Variants in PDE4D observed in about 807,000 individuals in gnomAD.
PDE4D encodes the protein 3',5'-cyclic-AMP phosphodiesterase 4D.
A neutral mutation model predicts 87.4 loss-of-function variants in PDE4D; 24 were observed. The observed-to-expected ratio is 0.27, with a 90% CI of 0.20 to 0.39. The LOEUF (loss-of-function observed/expected upper bound fraction) is 0.39, where lower values mean the gene tolerates loss of function less well. Ranked by LOEUF, PDE4D falls within the 10% of genes least tolerant of loss-of-function variation. PDE4D has a pLI of 1.00. For synonymous variants in PDE4D, 384 were observed against 383.2 expected (o/e 1.00, Z -0.02); for missense variants, 714 against 1,041.0 (o/e 0.69, Z 4.32).
chr5:59,692,373 G>T lies in PDE4D; in HGVS notation c.455+200795C>A, dbSNP rs752911391. Among the ~76,000 whole-genome samples the T allele has an allele frequency of 2.6e-5, 4 of 152,234 alleles. 1 individual carries two copies. In the South Asian group the frequency reaches 8.3e-4, roughly 32 times the overall value. ...AGCAAAGCAGAATTCCAAGGGGATTGGGTGAAAGAAGAACTCTTAAGTTAT... is the reference window on the plus strand; with the variant it reads ...AGCAAAGCAGAATTCCAAGGGGATTTGGTGAAAGAAGAACTCTTAAGTTAT... On this transcript the variant is annotated intron_variant, in intron 1 of 14. Coordinates refer to ENST00000340635, the MANE Select transcript of PDE4D (RefSeq NM_001104631.2).
At chr5:59,877,225 G>A (rs534102552) in intron 1 of PDE4D, among the ~76,000 whole-genome samples, 4 of 152,146 alleles carry the variant, frequency 2.6e-5, no homozygotes, top group East Asian at 1.9e-4. Context: ...CTGCATGTTC[G>A]TTTGGTTGTT....
chr5:59,043,271 C>T (rs1759997341), intron 5 of PDE4D, among the ~76,000 whole-genome samples: 1 of 152,176 alleles, frequency 6.6e-6, no homozygotes, highest in Non-Finnish European at 1.5e-5. Flanking sequence ...CGCCTGTAAT[C>T]CCAGCACTTT....
At chr5:59,016,390 C>CTTTTTTTTTTT (rs35622981) in intron 6 of PDE4D, among the ~76,000 whole-genome samples, 3 of 78,594 alleles carry the variant, frequency 3.8e-5, no homozygotes, top group Non-Finnish European at 4.8e-5. Context: ...TCAGTCTGTT[C>CTTTTTTTTTTT]TTTTTTTTTT....
chr5:59,770,700 T>G (rs541549951), intron 1 of PDE4D, among the ~76,000 whole-genome samples: 3 of 152,058 alleles, frequency 2.0e-5, no homozygotes, highest in African/African-American at 7.2e-5. Context: ...TGAGAAAAAC[T>G]AATATGTATT....
chr5:59,255,614 C>T (rs1760827112), intron 1 of PDE4D, among the ~76,000 whole-genome samples: 2 of 152,050 alleles, frequency 1.3e-5, no homozygotes, highest in Non-Finnish European at 1.5e-5. Context: ...CAACAAAGGT[C>T]TTCCAGAACA....
At chr5:59,992,498 G>C (rs1219198456) in intron 2 of PDE4D, among the ~76,000 whole-genome samples, 1 of 152,098 alleles carries the variant, frequency 6.6e-6, no homozygotes, top group Non-Finnish European at 1.5e-5. Context: ...CTCTTCTTCT[G>C]GATGAACATA....
intron 1 of PDE4D, among the ~76,000 whole-genome samples, chr5:60,338,152 G>A (rs1462399090): frequency 6.6e-6 from 1 of 152,104 alleles, no homozygotes; most frequent in Non-Finnish European, 1.5e-5. Flanking sequence ...CAGCACAAAC[G>A]ATGAAAGCCG....
At chr5:59,009,408 T>C (rs182590605) in intron 6 of PDE4D, among the ~76,000 whole-genome samples, 1 of 151,992 alleles carries the variant, frequency 6.6e-6, no homozygotes, top group Admixed American at 6.6e-5. Flanking sequence ...AGCAATAAAA[T>C]GAAACAAATT....
intron 1 of PDE4D, among the ~76,000 whole-genome samples, chr5:60,350,904 T>C (rs1401745728): frequency 1.3e-5 from 2 of 152,128 alleles, no homozygotes; most frequent in Non-Finnish European, 2.9e-5. Context: ...TCAGCTGCTA[T>C]AGGCATTTAT....
At chr5:59,746,302 A>C (rs1315814186) in intron 1 of PDE4D, among the ~76,000 whole-genome samples, 1 of 152,134 alleles carries the variant, frequency 6.6e-6, no homozygotes, top group Non-Finnish European at 1.5e-5. Flanking sequence ...CACACGGCCA[A>C]GATGTGAGAA....
At chr5:60,473,824 T>A (rs1323474128) in intron 1 of PDE4D, among the ~76,000 whole-genome samples, 1 of 151,368 alleles carries the variant, frequency 6.6e-6, no homozygotes, top group Non-Finnish European at 1.5e-5. Context: ...CTCTACACCC[T>A]CCCCACTGTT....
chr5:60,267,267 A>G (rs961595471), intron 1 of PDE4D, among the ~76,000 whole-genome samples: 3 of 152,180 alleles, frequency 2.0e-5, no homozygotes, highest in African/African-American at 7.2e-5. Flanking sequence ...AGGGTCTACA[A>G]GCGGCTGTGG....
intron 1 of PDE4D, among the ~76,000 whole-genome samples, chr5:60,198,885 A>C (rs1453330986): frequency 6.6e-6 from 1 of 151,574 alleles, no homozygotes; most frequent in East Asian, 1.9e-4. Context: ...AAAATGTTTC[A>C]TTAAAAATGC....
intron 1 of PDE4D, among the ~76,000 whole-genome samples, chr5:59,750,945 C>CAAA (rs34787047): frequency 0.062 from 4,234 of 68,570 alleles, 139 homozygotes; most frequent in African/African-American, 0.097. Flanking sequence ...GACCCTGTCT[C>CAAA]AAAAAAAAAA....
intron 1 of PDE4D, among the ~76,000 whole-genome samples, chr5:60,311,617 T>G (rs1053469766): frequency 1.3e-5 from 2 of 152,078 alleles, no homozygotes; most frequent in African/African-American, 4.8e-5. Flanking sequence ...AAAACACACT[T>G]AAGTACATAG....
At chr5:60,083,401 G>A (rs1036098796) in intron 2 of PDE4D, among the ~76,000 whole-genome samples, 4 of 152,252 alleles carry the variant, frequency 2.6e-5, no homozygotes, top group African/African-American at 9.6e-5. Context: ...TTAGGCTGTA[G>A]CAAAAACACT....
chr5:60,445,799 G>A (rs1745596699), intron 1 of PDE4D, among the ~76,000 whole-genome samples: 1 of 152,056 alleles, frequency 6.6e-6, no homozygotes, highest in Non-Finnish European at 1.5e-5. Context: ...CATGTTAAAT[G>A]TTCTTACCAC....
At chr5:59,678,032 C>T (rs577964139) in intron 1 of PDE4D, among the ~76,000 whole-genome samples, 51 of 152,222 alleles carry the variant, frequency 3.4e-4, no homozygotes, top group African/African-American at 1.2e-3. Context: ...TAAATAATCC[C>T]ATGATTACTT....
intron 1 of PDE4D, among the ~76,000 whole-genome samples, chr5:60,337,352 T>A (rs146575532): frequency 0.33 from 9,170 of 27,516 alleles, 788 homozygotes; most frequent in African/African-American, 0.51. Flanking sequence ...ACAAACAAAC[T>A]ATATATATAT....
Sources: allele counts gnomAD v4.1 joint callset (sites outside exome capture counted in the v4.1 genomes callset), GRCh38; gene constraint gnomAD v4.1.1; transcripts MANE v1.5; gene names NCBI Gene and HGNC (gene_info 2026-07-23, HGNC 2026-07-21).